MASP1: variants seen among roughly 807,000 people sequenced by gnomAD.
MASP1 encodes mannan-binding lectin serine protease 1.
Under a neutral mutation model 77.1 loss-of-function variants are expected in MASP1, and 59 were observed. That is an observed-to-expected ratio of 0.77 (90% CI 0.62 to 0.95). The LOEUF is 0.95. Among genes scored for constraint, MASP1 ranks in the 40% least tolerant of loss-of-function variants. The pLI, the probability that MASP1 is intolerant of heterozygous loss-of-function variation, is 0.00. For missense variants in MASP1, 885 were observed against 912.9 expected, an observed-to-expected ratio of 0.97 and a Z score of 0.39; for synonymous variants, 362 against 354.5, an observed-to-expected ratio of 1.02 and a Z score of -0.24.
In MASP1 at chr3:187,225,642, C is replaced by T. The variant is rs1214832315; in HGVS notation, c.1556-133G>A. 15 of 835,876 alleles carry T rather than the reference C, an allele frequency of 1.8e-5. No homozygotes were observed. In the Admixed American group the frequency reaches 2.7e-4, roughly 15 times the overall value. 51.8% of individuals were successfully genotyped at this position (835,876 alleles called of 1,614,324 possible). A position where few individuals can be genotyped will look rare whatever the true frequency, so the allele number is the denominator to read the frequency against. On this transcript the variant is annotated intron_variant, in intron 12 of 15. Transcript: ENST00000337774. ...TAGCCCTTTCACTGCCTTCATCCACCTTTCCCAGACATCCCACCCTATTGG... is the reference window on the plus strand; with the variant it reads ...TAGCCCTTTCACTGCCTTCATCCACTTTTCCCAGACATCCCACCCTATTGG...
At chr3:187,220,024 G>C in exon 16 of MASP1, 1 of 1,597,078 alleles carries the variant, frequency 6.3e-7, no homozygotes, top group East Asian at 2.2e-5. Context: ...ATCGTCCTCT[G>C]CTACTGACTG....
intron 13 of MASP1, among the ~76,000 whole-genome samples, chr3:187,224,389 C>G (rs957733118): frequency 2.0e-5 from 3 of 146,704 alleles, no homozygotes; most frequent in Admixed American, 2.0e-4. Flanking sequence ...CTCTGTCGCC[C>G]AGGCTGGAGT....
In MASP1 at chr3:187,291,539, G is replaced by A. The variant is rs1396869397; in HGVS notation, c.5+89C>T. 13 of 1,525,700 alleles carry A rather than the reference G, an allele frequency of 8.5e-6. 1 individual carries two copies. In the Admixed American group the frequency reaches 2.0e-4, roughly 24 times the overall value. The allele number at this position is 1,525,700 out of a possible 1,614,324, so 94.5% of individuals were successfully genotyped here. Reference sequence around the variant, plus strand: ...ACTACCACATGCAGGACACGCAGGTGAGTCTGTCAGTGACAAGGTCAGACC... The same window carrying A: ...ACTACCACATGCAGGACACGCAGGTAAGTCTGTCAGTGACAAGGTCAGACC... On this transcript the variant is annotated intron_variant, in intron 1 of 10. Transcript: ENST00000296280.
chr3:187,274,833 C>G (rs1209473044), intron 2 of MASP1, among the ~76,000 whole-genome samples: 7 of 151,996 alleles, frequency 4.6e-5, no homozygotes, highest in African/African-American at 1.7e-4. Context: ...GGGCTCTGGA[C>G]AGAAAAGGGC....
rs555820408 is a variant in MASP1, at chr3:187,247,117, A to G, written c.1090+3134T>C. Reference sequence around the variant, plus strand: ...TTTTTTTTTCATTATTTTCTGGAATAGTGTTTGAATGATGGGCAAACCCTC... The same window carrying G: ...TTTTTTTTTCATTATTTTCTGGAATGGTGTTTGAATGATGGGCAAACCCTC... On this transcript the variant is annotated intron_variant, in intron 8 of 10. Transcript: ENST00000296280. 1.1e-4 allele frequency: 162 copies of G among 1,433,058 alleles called. 1 individual carries two copies. The African/African-American group carries it at 2.0e-3, about 17-fold the overall frequency. The allele number at this position is 1,433,058 out of a possible 1,614,324, so 88.8% of individuals were successfully genotyped here.
Position 187,289,187 on chromosome 3 carries a change from ACAGGCTAG to A in MASP1, c.5+2433_5+2440del, listed in dbSNP as rs1718102696. On this transcript the variant is annotated intron_variant, in intron 1 of 10. Transcript: ENST00000296280. ...GAGATTTCAGAGGCCCCCCGTAGGA[ACAGGCTAG>A]CAGGACTCTGTAAAAATGCCTGCAT... Among the ~76,000 whole-genome samples the A allele has an allele frequency of 3.9e-5, 6 of 152,304 alleles. No individual in the cohort carries two copies. In the South Asian group the frequency reaches 1.2e-3, roughly 32 times the overall value.
intron 9 of MASP1, 26 bp downstream of exon 9, chr3:187,243,458 G>GGGATGGCTTAGCAT (rs1560245326): frequency 6.2e-7 from 1 of 1,613,648 alleles, no homozygotes; most frequent in African/African-American, 1.3e-5. Flanking sequence ...AAACGGGAGT[G>GGGATGGCTTAGCAT]GGATGGCTTA....
intron 2 of MASP1, among the ~76,000 whole-genome samples, chr3:187,281,798 C>G (rs1717433918): frequency 6.6e-6 from 1 of 152,066 alleles, no homozygotes; most frequent in African/African-American, 2.4e-5. Flanking sequence ...TCTCACTGAA[C>G]AGAGGAAAAA....
rs771034314 is a variant in MASP1 at position 187,225,363 on chromosome 3, C to T, written c.1702G>A (p.Val568Met). 1.9e-5 allele frequency: 31 copies of T among 1,613,682 alleles called. No homozygotes were observed. Among genetic ancestry groups the T allele is most frequent in the African/African-American group, 1.9e-4 (14 of 74,908 alleles). Residue 568 changes from valine (V) to methionine (M), a missense_variant, in exon 13 of 16, where the codon GTG becomes ATG. Transcript: ENST00000337774. The stretch of plus-strand genomic sequence containing the variant: ...CCCTCAGGCAGACAGATGGGCATCA[C>T]GAAGGCATTCAGCACTGGGCTCTCC...
chr3:187,222,336 A>G lies in MASP1; in HGVS notation c.1809+791T>C, dbSNP rs149463211. ...GGCCAGGGACCAGATCTATCCTTTTACCCCAGCACAGCTAGTAGCTAGTAC... is the reference window on the plus strand; with the variant it reads ...GGCCAGGGACCAGATCTATCCTTTTGCCCCAGCACAGCTAGTAGCTAGTAC... On this transcript the variant is annotated intron_variant, in intron 14 of 15. Transcript: ENST00000337774. Among the ~76,000 whole-genome samples the G allele has an allele frequency of 9.4e-4, 143 of 152,168 alleles. 3 individuals carry two copies. In the East Asian group the frequency reaches 0.016, roughly 17 times the overall value.
chr3:187,259,916 C>T (rs779773593), intron 4 of MASP1, among the ~76,000 whole-genome samples: 17 of 152,218 alleles, frequency 1.1e-4, no homozygotes, highest in Admixed American at 3.9e-4. Context: ...CCAAGTTCTA[C>T]CACACTTCTG....
intron 2 of MASP1, among the ~76,000 whole-genome samples, chr3:187,265,207 G>A (rs149817585): frequency 0.011 from 1,740 of 152,250 alleles, 13 homozygotes; most frequent in Non-Finnish European, 0.018. Flanking sequence ...TGTTAATAAT[G>A]AATAGTCATG....
chr3:187,219,437 A>G (rs751261997), exon 16 of MASP1: 24 of 154,420 alleles, frequency 1.6e-4, no homozygotes, highest in Non-Finnish European at 3.0e-4. Flanking sequence ...TCCTAGTTAC[A>G]TTTGCTAGGG....
intron 2 of MASP1, among the ~76,000 whole-genome samples, chr3:187,284,541 TG>T (rs1717691915): frequency 6.6e-6 from 1 of 152,196 alleles, no homozygotes; most frequent in Admixed American, 6.5e-5. Context: ...CTATTGTAAA[TG>T]GGACATTGCA....
intron 6 of MASP1, 130 bp from the exon 7 acceptor site, chr3:187,251,882 T>C: frequency 1.3e-6 from 1 of 759,660 alleles, no homozygotes; most frequent in Middle Eastern, 3.3e-4. Context: ...GCATGGATCT[T>C]CCAAGCCCTG....
exon 16 of MASP1, chr3:187,217,577 TG>T (rs1348214161): frequency 2.0e-5 from 3 of 152,182 alleles, no homozygotes; most frequent in Admixed American, 6.5e-5. Flanking sequence ...GAGCTGCAAT[TG>T]GGGGTAGTGA....
rs147506781 is a variant in MASP1, at chr3:187,240,170, C to T, written c.1303+1311G>A. The stretch of plus-strand genomic sequence containing the variant: ...AACCTCTTTTTCTGTGTAAATTACC[C>T]AGTCTTGGGTTATGTCTTTATCAGC... On this transcript the variant is annotated intron_variant, in intron 10 of 10. Coordinates refer to ENST00000296280, the MANE Select transcript of MASP1 (RefSeq NM_139125.4). 5.3e-3 allele frequency among the ~76,000 whole-genome samples: 811 copies of T among 151,770 alleles called. 36 individuals are homozygous for T. Among genetic ancestry groups the T allele is most frequent in the African/African-American group, 0.019 (767 of 41,226 alleles).
intron 7 of MASP1, among the ~76,000 whole-genome samples, chr3:187,250,567 A>G (rs1714489673): frequency 6.6e-6 from 1 of 152,142 alleles, no homozygotes; most frequent in Non-Finnish European, 1.5e-5. Context: ...TTGGGCAACT[A>G]TCTCTGAAGG....
Position 187,220,062 on chromosome 3 carries a change from G to C in MASP1, c.*9C>G, listed in dbSNP as rs374868178. On this transcript the variant is annotated 3_prime_UTR_variant, in exon 16 of 16. Coordinates refer to the MASP1 transcript ENST00000337774. ...CACAGCTGGTGGTGCTGGGGCTGAG[G>C]AGCCAAATTCAGTTCCTCACTCCGG... 3.1e-6 allele frequency: 5 copies of C among 1,613,138 alleles called. No individual in the cohort carries two copies. In the South Asian group the frequency reaches 5.5e-5, roughly 18 times the overall value.
Sources: gnomAD v4.1 joint callset for allele counts (sites outside exome capture counted in the v4.1 genomes callset) on GRCh38, gnomAD v4.1.1 for gene constraint, MANE v1.5 for transcripts, NCBI Gene and HGNC (gene_info 2026-07-23, HGNC 2026-07-21) for gene names.